The following TTC7B variants were observed in gnomAD, a reference collection of about 807,000 sequenced individuals.
The protein encoded by TTC7B is tetratricopeptide repeat domain 7B.
Under a neutral mutation model 106.8 loss-of-function variants are expected in TTC7B, and 28 were observed. That is an observed-to-expected ratio of 0.26 (90% CI 0.19 to 0.36). The LOEUF is 0.36. Among genes scored for constraint, TTC7B ranks in the 10% least tolerant of loss-of-function variants. The pLI, the probability that TTC7B is intolerant of heterozygous loss-of-function variation, is 1.00. For missense variants in TTC7B, 862 were observed against 1,076.4 expected (o/e 0.80, Z 2.79); for synonymous variants, 405 against 430.6 (o/e 0.94, Z 0.74).
chr14:90,766,759 T>C (rs1344205487), intron 3 of TTC7B: 2 of 1,571,388 alleles, frequency 1.3e-6, no homozygotes, highest in Non-Finnish European at 1.7e-6. Flanking sequence ...TCCATGCCAG[T>C]ACAAGATCCC....
chr14:90,711,977 C>G (rs994088316), intron 5 of TTC7B, among the ~76,000 whole-genome samples: 1 of 151,194 alleles, frequency 6.6e-6, no homozygotes, highest in Admixed American at 6.6e-5. Context: ...ATTAAAAAAC[C>G]AAGATCCACC....
intron 3 of TTC7B, among the ~76,000 whole-genome samples, chr14:90,774,904 G>A (rs1161203710): frequency 3.9e-5 from 6 of 152,128 alleles, no homozygotes; most frequent in East Asian, 3.9e-4. Context: ...TTAGCCAGGC[G>A]TGGTTGCACG....
chr14:90,719,532 G>A (rs539149715), intron 5 of TTC7B, among the ~76,000 whole-genome samples: 1 of 152,258 alleles, frequency 6.6e-6, no homozygotes, highest in East Asian at 1.9e-4. Context: ...AAGACGTGGG[G>A]CCTGAGATGT....
intron 1 of TTC7B, among the ~76,000 whole-genome samples, chr14:90,814,520 CAA>C (rs1394175499): frequency 2.0e-5 from 3 of 152,052 alleles, no homozygotes; most frequent in Middle Eastern, 3.2e-3. Context: ...GGTGGGCACG[CAA>C]ATATTGGGTG....
chr14:90,742,559 A>T lies in TTC7B; in HGVS notation c.576+2233T>A, dbSNP rs1284420732. ...TTTGTTTGCAGCAGCCTGGGAGAAT[A>T]AAGTGAGCCAGCACTAAGCTAGGTG... On this transcript the variant is annotated intron_variant, in intron 4 of 19. Transcript: ENST00000328459. This position sits in a 1 kb window ranked among gnomAD's most constrained non-coding sequence, Gnocchi z 4.1. Among the ~76,000 whole-genome samples, 3 of 152,186 alleles carry T rather than the reference A, an allele frequency of 2.0e-5. No individual in the cohort carries two copies.
intron 19 of TTC7B, among the ~76,000 whole-genome samples, chr14:90,544,159 AG>A (rs1013193647): frequency 5.3e-5 from 8 of 152,222 alleles, no homozygotes; most frequent in African/African-American, 1.9e-4. Flanking sequence ...CTGGGTGAGG[AG>A]GAGGCGGAGG....
At chr14:90,778,414 A>C (rs1312612505) in intron 3 of TTC7B, among the ~76,000 whole-genome samples, 1 of 152,132 alleles carries the variant, frequency 6.6e-6, no homozygotes, top group Non-Finnish European at 1.5e-5. Flanking sequence ...GCCTCCATTA[A>C]ACTATCTCAG....
intron 4 of TTC7B, among the ~76,000 whole-genome samples, chr14:90,738,574 T>G (rs1889634951): frequency 1.3e-5 from 2 of 150,634 alleles, no homozygotes; most frequent in African/African-American, 4.9e-5. Flanking sequence ...GCCATTGCAC[T>G]CAAGTCTGGG....
intron 18 of TTC7B, among the ~76,000 whole-genome samples, chr14:90,583,548 T>A (rs1253936623): frequency 6.6e-6 from 1 of 152,138 alleles, no homozygotes; most frequent in Non-Finnish European, 1.5e-5. Flanking sequence ...AGCAGCACAG[T>A]GAAATGGGCT....
intron 1 of TTC7B, among the ~76,000 whole-genome samples, chr14:90,799,990 G>A (rs983812918): frequency 1.3e-5 from 2 of 152,010 alleles, no homozygotes; most frequent in Non-Finnish European, 2.9e-5. Context: ...CCGCCACCAC[G>A]CCCAGCTAAT....
intron 2 of TTC7B, among the ~76,000 whole-genome samples, chr14:90,784,692 T>C (rs910691089): frequency 6.6e-6 from 1 of 151,800 alleles, no homozygotes; most frequent in Admixed American, 6.6e-5. Flanking sequence ...AGAAACTGAA[T>C]GGGGAAAGAG....
intron 4 of TTC7B, among the ~76,000 whole-genome samples, chr14:90,737,576 TG>T (rs1889592567): frequency 7.7e-6 from 1 of 130,348 alleles, no homozygotes; most frequent in African/African-American, 2.9e-5. Context: ...TTTTTTGAGA[TG>T]GAGTCTCGCT....
chr14:90,795,686 G>T (rs1182359788), intron 1 of TTC7B, among the ~76,000 whole-genome samples: 2 of 152,268 alleles, frequency 1.3e-5, no homozygotes, highest in East Asian at 3.9e-4. Context: ...GAAGTAAGTG[G>T]TGAATAAACA....
At chr14:90,667,198 G>A (rs983926926) in intron 9 of TTC7B, among the ~76,000 whole-genome samples, 1 of 152,178 alleles carries the variant, frequency 6.6e-6, no homozygotes, top group Non-Finnish European at 1.5e-5. Context: ...GACATACCAC[G>A]TACAAAATAG....
At chr14:90,755,821 C>G (rs1395634557) in intron 3 of TTC7B, among the ~76,000 whole-genome samples, 2 of 152,238 alleles carry the variant, frequency 1.3e-5, no homozygotes, top group Non-Finnish European at 2.9e-5. Flanking sequence ...AGCGAATGAG[C>G]AAAATAGCAC....
At chr14:90,812,460 G>A (rs559934457) in intron 1 of TTC7B, among the ~76,000 whole-genome samples, 1 of 152,244 alleles carries the variant, frequency 6.6e-6, no homozygotes, top group South Asian at 2.1e-4. Context: ...GCTTCTCTGA[G>A]TCCCCCAAAC....
rs1030735767 is a variant in TTC7B, at chr14:90,577,300, C to T, written c.2310+806G>A. On this transcript the variant is annotated intron_variant, in intron 19 of 19. Transcript: ENST00000328459. The surrounding 1 kb of genome is among the most constrained non-coding windows in gnomAD (Gnocchi z 5.0). ...ACTTGTGAGTTTCAATTCAGACCCT[C>T]GCAGGAAGATGACAGAGGACTGCCG... 2.6e-5 allele frequency among the ~76,000 whole-genome samples: 4 copies of T among 152,194 alleles called. No homozygotes were observed. Among genetic ancestry groups the T allele is most frequent in the East Asian group, 3.9e-4 (2 of 5,186 alleles).
rs2030742552 is a variant in TTC7B at position 90,808,828 on chromosome 14, C to A, written c.121+7347G>T. ...GGTCATTCAGAGGGGCAGGAATCCA[C>A]CCACGTGTGGCCAACGTGAATAAGA... On this transcript the variant is annotated intron_variant, in intron 1 of 19. Coordinates refer to ENST00000328459, the MANE Select transcript of TTC7B (RefSeq NM_001010854.2). This position sits in a 1 kb window ranked among gnomAD's most constrained non-coding sequence, Gnocchi z 4.2. Among the ~76,000 whole-genome samples the A allele has an allele frequency of 6.6e-6, 1 of 152,216 alleles. No individual in the cohort carries two copies.
At position 90,807,920 on chromosome 14, in the gene TTC7B, A is replaced by T. The variant is rs2030700363; in HGVS notation, c.121+8255T>A. ...CTGGGAGTGGGGCTTTGCAATCTGG[A>T]TTCTAACAAGCTGTCTAGAAGTGAT... On this transcript the variant is annotated intron_variant, in intron 1 of 19. Transcript: ENST00000328459. The surrounding 1 kb of genome is among the most constrained non-coding windows in gnomAD (Gnocchi z 4.1). Among the ~76,000 whole-genome samples, 1 of 152,232 alleles carries T rather than the reference A, an allele frequency of 6.6e-6. No homozygotes were observed. Among genetic ancestry groups the T allele is most frequent in the African/African-American group, 2.4e-5 (1 of 41,458 alleles).
Sources: allele counts gnomAD v4.1 joint callset (sites outside exome capture counted in the v4.1 genomes callset), GRCh38; gene constraint gnomAD v4.1.1; non-coding constraint Gnocchi (gnomAD v3.1); transcripts MANE v1.5; gene names NCBI Gene and HGNC (gene_info 2026-07-23, HGNC 2026-07-21).